BCL2L1: variants seen among roughly 807,000 people sequenced by gnomAD.
BCL2L1 encodes bcl-2-like protein 1.
A neutral mutation model predicts 18.7 loss-of-function variants in BCL2L1; 1 was observed. The observed-to-expected ratio is 0.05, with a 90% confidence interval of 0.02 to 0.25. The LOEUF is 0.25. Ranked by LOEUF, BCL2L1 falls within the 10% of genes least tolerant of loss-of-function variation. BCL2L1 has a pLI of 1.00. For synonymous variants in BCL2L1, 103 were observed against 122.7 expected (o/e 0.84, Z 1.06); for missense variants, 207 against 304.9 (o/e 0.68, Z 2.39).
intron 2 of BCL2L1, chr20:31,720,472 T>C: frequency 1.1e-6 from 1 of 930,050 alleles, no homozygotes; most frequent in East Asian, 1.2e-4. Flanking sequence ...GGTAGGGAGA[T>C]AAGCAAGAAA....
chr20:31,722,283 G>A lies in BCL2L1; in HGVS notation c.-65C>T, dbSNP rs945365290. 2 of 1,204,348 alleles carry A rather than the reference G, an allele frequency of 1.7e-6. No individual in the cohort carries two copies. The highest frequency in any genetic ancestry group is 2.2e-6 in the Non-Finnish European group (2 of 897,220). 74.6% of individuals were successfully genotyped at this position (1,204,348 alleles called of 1,614,324 possible). The stretch of plus-strand genomic sequence containing the variant: ...AACACCTGCTCACTCACTGAGTCTC[G>A]TCTCTGGTTAGTGATTCTCTTCTAA... On this transcript the variant is annotated 5_prime_UTR_variant, in exon 2 of 3. In the 5' UTR this introduces an upstream ATG that the reference lacks. Coordinates refer to ENST00000307677, the MANE Select transcript of BCL2L1 (RefSeq NM_138578.3).
In BCL2L1 at chr20:31,703,493, G is replaced by GT. The variant is rs34123351; in HGVS notation, c.564+18161dup. On this transcript the variant is annotated intron_variant, in intron 2 of 2. Coordinates refer to ENST00000307677, the MANE Select transcript of BCL2L1 (RefSeq NM_138578.3). Reference sequence around the variant, plus strand: ...CATGCCTGGCCTAAACTTGGTGGTTGTTTTTTTTTTTTTTTGAGACAAGAG... The same window carrying GT: ...CATGCCTGGCCTAAACTTGGTGGTTGTTTTTTTTTTTTTTTTGAGACAAGAG... Among the ~76,000 whole-genome samples the GT allele has an allele frequency of 6.2e-3, 828 of 133,742 alleles. 1 individual carries two copies. The highest frequency in any genetic ancestry group is 0.04 in the Middle Eastern group (10 of 252). 87.7% of individuals were successfully genotyped at this position (133,742 alleles called of 152,430 possible).
At chr20:31,666,325 G>T (rs2060587404) in intron 2 of BCL2L1, among the ~76,000 whole-genome samples, 1 of 152,146 alleles carries the variant, frequency 6.6e-6, no homozygotes, top group Admixed American at 6.6e-5. Flanking sequence ...CCTGTCTGAG[G>T]TAAGTCAAGA....
upstream of BCL2L1, chr20:31,723,300 G>T (rs565528865): frequency 1.0e-6 from 1 of 985,812 alleles, no homozygotes; most frequent in African/African-American, 1.7e-5. Flanking sequence ...AATGGCCGCC[G>T]GCGCCCTGCA....
chr20:31,716,005 C>T (rs1445402586), intron 2 of BCL2L1, among the ~76,000 whole-genome samples: 1 of 152,044 alleles, frequency 6.6e-6, no homozygotes, highest in East Asian at 1.9e-4. Flanking sequence ...CCAATTCTTT[C>T]CCTCACCCTG....
At chr20:31,666,624 A>G (rs984010525) in intron 2 of BCL2L1, among the ~76,000 whole-genome samples, 1 of 151,998 alleles carries the variant, frequency 6.6e-6, no homozygotes, top group Non-Finnish European at 1.5e-5. Context: ...TTTGAGGCCA[A>G]TTCAGGGGTA....
chr20:31,713,221 C>T (rs1199987201), intron 2 of BCL2L1: 5 of 963,172 alleles, frequency 5.2e-6, no homozygotes, highest in Non-Finnish European at 6.2e-6. Flanking sequence ...TCCCTCACAG[C>T]CTAGCCTAGG....
At chr20:31,722,494 C>G (rs1213661455) in intron 1 of BCL2L1, 124 bp downstream of exon 1, 1 of 292,306 alleles carries the variant, frequency 3.4e-6, no homozygotes, top group Non-Finnish European at 6.3e-6. Context: ...AAATCGAAAG[C>G]ACCAGTGGAC....
At chr20:31,713,438 C>G (rs547813134) in intron 2 of BCL2L1, 27 of 985,254 alleles carry the variant, frequency 2.7e-5, no homozygotes, top group Non-Finnish European at 3.3e-5. Flanking sequence ...AGTTTCCACA[C>G]TCTTGCCGGC....
rs2060566953 is a variant in BCL2L1 at position 31,665,053 on chromosome 20, TCAGG to T, written c.*892_*895del. ...CTGTTCCTGATAGCTCCCTTTCACC[TCAGG>T]GCTGAGTCCCCTGAACCCACCATGA... On this transcript the variant is annotated 3_prime_UTR_variant, in exon 3 of 3. Transcript: ENST00000307677. 2.1e-5 allele frequency: 4 copies of T among 186,480 alleles called. No individual in the cohort carries two copies. The highest frequency in any genetic ancestry group is 4.5e-5 in the Non-Finnish European group (4 of 87,958). 11.6% of individuals were successfully genotyped at this position (186,480 alleles called of 1,614,324 possible).
chr20:31,708,021 G>A (rs1001085290), intron 2 of BCL2L1, among the ~76,000 whole-genome samples: 3 of 152,180 alleles, frequency 2.0e-5, no homozygotes, highest in Non-Finnish European at 4.4e-5. Context: ...GCCTGAGAGA[G>A]TGGGGGGCCT....
chr20:31,694,135 C>T (rs967437831), intron 2 of BCL2L1, among the ~76,000 whole-genome samples: 2 of 152,158 alleles, frequency 1.3e-5, no homozygotes, highest in African/African-American at 4.8e-5. Context: ...TCAAGCACCA[C>T]GCCCAGGAAC....
intron 2 of BCL2L1, among the ~76,000 whole-genome samples, chr20:31,687,608 C>T (rs780823060): frequency 1.4e-5 from 2 of 143,620 alleles, no homozygotes; most frequent in East Asian, 2.1e-4. Context: ...ACCCGGGAGT[C>T]GGAGGTTGCA....
intron 2 of BCL2L1, among the ~76,000 whole-genome samples, chr20:31,709,359 A>T (rs1322400098): frequency 2.0e-5 from 3 of 151,564 alleles, no homozygotes; most frequent in Non-Finnish European, 4.4e-5. Context: ...AACTAGCCTG[A>T]TCTTTTTGGT....
intron 2 of BCL2L1, among the ~76,000 whole-genome samples, chr20:31,676,274 T>C (rs2060758726): frequency 6.6e-6 from 1 of 152,142 alleles, no homozygotes; most frequent in South Asian, 2.1e-4. Flanking sequence ...TGTAAAGAAT[T>C]TGCTTAATCC....
intron 2 of BCL2L1, among the ~76,000 whole-genome samples, chr20:31,694,841 G>A (rs187786503): frequency 8.5e-5 from 13 of 152,116 alleles, no homozygotes; most frequent in East Asian, 5.8e-4. Context: ...AGATAGAGGC[G>A]GGAGGATCAC....
At chr20:31,675,671 G>A (rs1416727743) in intron 2 of BCL2L1, among the ~76,000 whole-genome samples, 3 of 152,188 alleles carry the variant, frequency 2.0e-5, no homozygotes, top group African/African-American at 7.2e-5. Context: ...GGCAAAGAGA[G>A]GGGTGGCAAG....
intron 2 of BCL2L1, among the ~76,000 whole-genome samples, chr20:31,687,673 T>A (rs1173592338): frequency 4.5e-5 from 5 of 111,608 alleles, no homozygotes; most frequent in African/African-American, 2.3e-4. Flanking sequence ...AGAGACTCTG[T>A]CTCAAAAAAA....
intron 2 of BCL2L1, among the ~76,000 whole-genome samples, chr20:31,715,013 G>A (rs559967546): frequency 2.8e-4 from 42 of 152,218 alleles, no homozygotes; most frequent in South Asian, 2.1e-4. Context: ...GGTGGCTCAC[G>A]CCTGTAATTC....
Sources: allele counts gnomAD v4.1 joint callset (sites outside exome capture counted in the v4.1 genomes callset), GRCh38; gene constraint gnomAD v4.1.1; transcripts MANE v1.5; gene names NCBI Gene and HGNC (gene_info 2026-07-23, HGNC 2026-07-21).